GRM7: variants seen among roughly 807,000 people sequenced by gnomAD.
GRM7 encodes the protein glutamate metabotropic receptor 7, also known as metabotropic glutamate receptor 7.
A neutral mutation model predicts 84.5 loss-of-function variants in GRM7; 35 were observed. The ratio of observed to expected loss-of-function variants is 0.41; its 90% confidence interval spans 0.32 to 0.55. GRM7 has a LOEUF of 0.55. Ranked by LOEUF, GRM7 falls within the 20% of genes least tolerant of loss-of-function variation. The pLI, the probability that GRM7 is intolerant of heterozygous loss-of-function variation, is 0.19. For missense variants in GRM7, 1,003 were observed against 1,194.6 expected, an observed-to-expected ratio of 0.84 and a Z score of 2.36; for synonymous variants, 487 against 455.1, an observed-to-expected ratio of 1.07 and a Z score of -0.89.
chr3:7,631,398 A>G (rs1697854666), intron 8 of GRM7, among the ~76,000 whole-genome samples: 1 of 152,148 alleles, frequency 6.6e-6, no homozygotes, highest in Non-Finnish European at 1.5e-5. Context: ...AATGGAAGCC[A>G]TGGTGGACTC....
At chr3:7,718,118 T>C (rs1171148005) in intron 9 of GRM7, among the ~76,000 whole-genome samples, 1 of 152,202 alleles carries the variant, frequency 6.6e-6, no homozygotes, top group Admixed American at 6.5e-5. Context: ...TCTCTGTGCC[T>C]CTCTTTTCCC....
intron 9 of GRM7, among the ~76,000 whole-genome samples, chr3:7,732,405 A>T (rs1292699789): frequency 6.6e-6 from 1 of 152,176 alleles, no homozygotes; most frequent in African/African-American, 2.4e-5. Context: ...GTGTATGAGG[A>T]GGGAATAGTA....
intron 7 of GRM7, among the ~76,000 whole-genome samples, chr3:7,535,715 C>G (rs1015181033): frequency 6.6e-6 from 1 of 152,212 alleles, no homozygotes; most frequent in African/African-American, 2.4e-5. Flanking sequence ...ATTGCTCTAA[C>G]CATACAATTG....
intron 7 of GRM7, among the ~76,000 whole-genome samples, chr3:7,473,489 G>GGGGAGAGAGAGAGAGA (rs1553603707): frequency 5.5e-5 from 7 of 126,430 alleles, no homozygotes; most frequent in African/African-American, 2.1e-4. Context: ...AAAACGAGAG[G>GGGGAGAGAGAGAGAGA]GAGAGAGAGA....
chr3:6,947,447 C>T (rs141558350), intron 1 of GRM7, among the ~76,000 whole-genome samples: 12,787 of 152,098 alleles, frequency 0.084, 620 homozygotes, highest in Non-Finnish European at 0.11. Flanking sequence ...CTGCTGGATT[C>T]GGTTTGCCAG....
intron 1 of GRM7, among the ~76,000 whole-genome samples, chr3:7,036,990 C>T (rs1390362054): frequency 1.3e-5 from 2 of 152,126 alleles, no homozygotes; most frequent in African/African-American, 4.8e-5. Flanking sequence ...CAGCGGTCTG[C>T]CTTGAATCTC....
chr3:7,686,410 A>G (rs765926072), intron 9 of GRM7: 3 of 1,560,444 alleles, frequency 1.9e-6, no homozygotes, highest in African/African-American at 1.4e-5. Flanking sequence ...TTGGTACACT[A>G]TCCCACCAAC....
chr3:7,067,830 T>C (rs1380513238), intron 1 of GRM7, among the ~76,000 whole-genome samples: 1 of 151,982 alleles, frequency 6.6e-6, no homozygotes, highest in Non-Finnish European at 1.5e-5. Context: ...ATTTGTACCA[T>C]AATACCCCAC....
chr3:6,975,219 G>A (rs1192563952), intron 1 of GRM7, among the ~76,000 whole-genome samples: 3 of 152,110 alleles, frequency 2.0e-5, no homozygotes, highest in Non-Finnish European at 4.4e-5. Context: ...CGGATAATGA[G>A]GTCTTAGAAG....
intron 4 of GRM7, among the ~76,000 whole-genome samples, chr3:7,371,185 A>C (rs1694115535): frequency 1.3e-5 from 2 of 152,126 alleles, no homozygotes; most frequent in Admixed American, 6.6e-5. Flanking sequence ...ATTGCAGACC[A>C]CAATAGAGTG....
At chr3:7,021,735 G>A (rs552223143) in intron 1 of GRM7, among the ~76,000 whole-genome samples, 15 of 152,246 alleles carry the variant, frequency 9.9e-5, no homozygotes, top group Non-Finnish European at 1.2e-4. Flanking sequence ...TAATGATCTT[G>A]TATATAAATT....
intron 1 of GRM7, among the ~76,000 whole-genome samples, chr3:7,019,612 C>T (rs1431139374): frequency 6.6e-6 from 1 of 152,164 alleles, no homozygotes; most frequent in Non-Finnish European, 1.5e-5. Context: ...AATAAGAGTG[C>T]ATGGAAAGTG....
chr3:7,003,150 A>G (rs982892703), intron 1 of GRM7, among the ~76,000 whole-genome samples: 1 of 152,182 alleles, frequency 6.6e-6, no homozygotes, highest in African/African-American at 2.4e-5. Flanking sequence ...AGACTAAAGG[A>G]ACACAATTTA....
intron 4 of GRM7, among the ~76,000 whole-genome samples, chr3:7,371,703 T>C (rs112934560): frequency 5.9e-5 from 9 of 152,308 alleles, no homozygotes; most frequent in African/African-American, 2.2e-4. Context: ...TCCTCCTCTA[T>C]GGACATATGC....
At chr3:7,221,804 A>ATTTTTTTTTTTTTTTTTTTTTTTTTTGT (rs540956206) in intron 2 of GRM7, among the ~76,000 whole-genome samples, 2 of 97,356 alleles carry the variant, frequency 2.1e-5, no homozygotes, top group Non-Finnish European at 4.1e-5. Context: ...AATTTCTTGT[A>ATTTTTTTTTTTTTTTTTTTTTTTTTTGT]TTTTTTTTTT....
intron 4 of GRM7, among the ~76,000 whole-genome samples, chr3:7,321,462 G>A (rs1055441016): frequency 6.6e-6 from 1 of 151,964 alleles, no homozygotes; most frequent in African/African-American, 2.4e-5. Flanking sequence ...TTCCTCCTAA[G>A]GAAATAGGTA....
intron 2 of GRM7, among the ~76,000 whole-genome samples, chr3:7,199,507 C>T (rs939659374): frequency 2.0e-5 from 3 of 152,220 alleles, no homozygotes; most frequent in African/African-American, 4.8e-5. Flanking sequence ...AGCAATCAAT[C>T]ACTGCAGCAG....
At chr3:7,598,740 T>C (rs1252881255) in intron 8 of GRM7, among the ~76,000 whole-genome samples, 2 of 152,134 alleles carry the variant, frequency 1.3e-5, no homozygotes, top group African/African-American at 4.8e-5. Context: ...GTGGGCTGGG[T>C]ACAGATACTT....
intron 1 of GRM7, among the ~76,000 whole-genome samples, chr3:6,919,555 T>C (rs1006326488): frequency 6.8e-6 from 1 of 147,976 alleles, no homozygotes; most frequent in African/African-American, 2.4e-5. Flanking sequence ...AAAACATTAT[T>C]GTATTGTTCA....
Sources: gnomAD v4.1 joint callset for allele counts (sites outside exome capture counted in the v4.1 genomes callset) on GRCh38, gnomAD v4.1.1 for gene constraint, MANE v1.5 for transcripts, NCBI Gene and HGNC (gene_info 2026-07-23, HGNC 2026-07-21) for gene names.